Variants in LRRC70 observed in about 807,000 individuals in gnomAD.
The protein encoded by LRRC70 is leucine-rich repeat-containing protein 70.
In LRRC70, 31 loss-of-function variants were observed where a neutral mutation model predicts 42.4. The observed-to-expected ratio is 0.73, with a 90% CI of 0.55 to 0.99. LRRC70 has a LOEUF of 0.99. Among genes scored for constraint, LRRC70 ranks in the 50% least tolerant of loss-of-function variants. The pLI, the probability that LRRC70 is intolerant of heterozygous loss-of-function variation, is 0.00. For missense variants in LRRC70, 643 were observed against 707.5 expected, an observed-to-expected ratio of 0.91 and a Z score of 1.03; for synonymous variants, 270 against 262.9, an observed-to-expected ratio of 1.03 and a Z score of -0.26.
In LRRC70 at chr5:62,580,317, T is replaced by G. The variant is rs1744501940; in HGVS notation, c.879T>G (p.Ser293=). 2.6e-6 allele frequency: 4 copies of G among 1,538,470 alleles called. No homozygotes were observed. Among genetic ancestry groups the G allele is most frequent in the Non-Finnish European group, 2.6e-6 (3 of 1,135,140 alleles). ...ATAATGATTTAGAGAATTTAAATTCTGACACATTCAGTTTGTTAAAGAATT... is the reference window on the plus strand; with the variant it reads ...ATAATGATTTAGAGAATTTAAATTCGGACACATTCAGTTTGTTAAAGAATT... ...LSHNDLENLN[S]DTFSLLKNLI... Residue 293 remains serine, a synonymous_variant, in exon 2 of 2, where the codon TCT becomes TCG. Transcript: ENST00000334994.
chr5:62,579,846 T>TACA lies in LRRC70; in HGVS notation c.408_409insACA (p.Asn136_Leu137insThr). The stretch of plus-strand genomic sequence containing the variant: ...TTAAGGGACTTTTAAATCTTCGTAA[T>TACA]TTATATTTACAGTATAATCAGGTAT... On this transcript the variant is annotated inframe_insertion, in exon 2 of 2. Transcript: ENST00000334994. The TACA allele has an allele frequency of 6.5e-7, 1 of 1,548,398 alleles. No individual in the cohort carries two copies. The highest frequency in any genetic ancestry group is 1.2e-5 in the South Asian group (1 of 83,668).
At chr5:62,579,117 A>G (rs192396268) in intron 1 of LRRC70, among the ~76,000 whole-genome samples, 182 bp downstream of exon 1, 1 of 152,136 alleles carries the variant, frequency 6.6e-6, no homozygotes, top group African/African-American at 2.4e-5. Flanking sequence ...TCATTCCTAC[A>G]TCATTTGTCA....
In LRRC70 at chr5:62,579,385, CCT is replaced by C; in HGVS notation, c.-38-15_-38-14del. 6.7e-7 allele frequency: 1 copy of C among 1,498,862 alleles called. No individual in the cohort carries two copies. Among genetic ancestry groups the C allele is most frequent in the African/African-American group, 1.4e-5 (1 of 71,960 alleles). 92.8% of individuals were successfully genotyped at this position (1,498,862 alleles called of 1,614,324 possible). On this transcript the variant is annotated splice_polypyrimidine_tract_variant and intron_variant, in intron 1 of 1. Transcript: ENST00000334994. ...GAAGTTTTCGTGATTTAAAGCTTTA[CCT>C]TCTCTTTTTATAGCCAATTCTGATC...
chr5:62,579,804 CT>C lies in LRRC70; in HGVS notation c.368del (p.Leu123Ter), dbSNP rs1380985790. 1 of 1,545,040 alleles carries C rather than the reference CT, an allele frequency of 6.5e-7. No homozygotes were observed. Among genetic ancestry groups the C allele is most frequent in the African/African-American group, 1.4e-5 (1 of 72,706 alleles). On this transcript the variant is annotated frameshift_variant, in exon 2 of 2. Transcript: ENST00000334994. LOFTEE classifies it high-confidence loss of function. ...LFLNNNFIKR[L>X]DPGIFKGLLN... The stretch of plus-strand genomic sequence containing the variant: ...TTCTAAATAATAATTTCATCAAACG[CT>C]TAGATCCTGGAATATTTAAGGGACT...
rs1744459136 is a variant in LRRC70 at position 62,579,535 on chromosome 5, T to C, written c.97T>C (p.Ser33Pro). 1.3e-6 allele frequency: 2 copies of C among 1,551,056 alleles called. No individual in the cohort carries two copies. Among genetic ancestry groups the C allele is most frequent in the Admixed American group, 2.0e-5 (1 of 50,950 alleles). ...LLLHKEILGC[S>P]SVCQLCTGRQ... ...ACTCCACAAAGAAATACTTGGATGT[T>C]CGTCTGTTTGTCAGCTCTGCACTGG... Residue 33 changes from serine (S) to proline (P), a missense_variant, in exon 2 of 2, where the codon TCG becomes CCG. Coordinates refer to ENST00000334994, the MANE Select transcript of LRRC70 (RefSeq NM_181506.5).
At position 62,581,037 on chromosome 5, in the gene LRRC70, T is replaced by A. The variant is rs1744537754; in HGVS notation, c.1599T>A (p.Ala533=). 6.4e-7 allele frequency: 1 copy of A among 1,550,920 alleles called. No individual in the cohort carries two copies. The highest frequency in any genetic ancestry group is 1.4e-5 in the African/African-American group (1 of 73,008). Residue 533 remains alanine (A), a synonymous_variant, in exon 2 of 2, where the codon GCT becomes GCA. Transcript: ENST00000334994. The part of the protein sequence containing the change: ...KLNEAFDILL[A]FFILACVLII... ...ATGAGGCTTTTGACATTTTGCTAGCTTTTTTCATCTTAGCTTGTGTTTTAA... is the reference window on the plus strand; with the variant it reads ...ATGAGGCTTTTGACATTTTGCTAGCATTTTTCATCTTAGCTTGTGTTTTAA...
In LRRC70 at chr5:62,580,278, T is replaced by A; in HGVS notation, c.840T>A (p.His280Gln). 3 of 1,540,838 alleles carry A rather than the reference T, an allele frequency of 1.9e-6. No homozygotes were observed. Among genetic ancestry groups the A allele is most frequent in the Non-Finnish European group, 2.6e-6 (3 of 1,137,352 alleles). Residue 280 changes from histidine to glutamine, a missense_variant, in exon 2 of 2, where the codon CAT (histidine) becomes CAA (glutamine). Transcript: ENST00000334994. ...TTAGTGGAATTAATAATCTTAAACA[T>A]TTGATCTTAAGTCATAATGATTTAG... ...DGFSGINNLK[H>Q]LILSHNDLEN...
Position 62,579,394 on chromosome 5 carries a change from T to C in LRRC70, c.-38-7T>C. The C allele has an allele frequency of 6.5e-7, 1 of 1,534,132 alleles. No homozygotes were observed. Among genetic ancestry groups the C allele is most frequent in the South Asian group, 1.2e-5 (1 of 83,440 alleles). ...GTGATTTAAAGCTTTACCTTCTCTT[T>C]TTATAGCCAATTCTGATCTGAACAG... On this transcript the variant is annotated splice_region_variant and splice_polypyrimidine_tract_variant and intron_variant, in intron 1 of 1. Transcript: ENST00000334994.
rs1034063457 is a variant in LRRC70 at position 62,580,899 on chromosome 5, A to G, written c.1461A>G (p.Gln487=). The part of the protein sequence containing the change: ...ETTAVLPVQI[Q]LTTSVTLNLE... ...CAGCAGTGTTACCTGTGCAAATACA[A>G]CTTACTACTTCTGTTACCTTGAACT... is the stretch of plus-strand genomic sequence containing the variant. The change falls in exon 2 of 2, where the codon CAA becomes CAG. Residue 487 remains glutamine, a synonymous_variant. Coordinates refer to ENST00000334994, the MANE Select transcript of LRRC70 (RefSeq NM_181506.5). The G allele has an allele frequency of 1.3e-6, 2 of 1,551,246 alleles. No homozygotes were observed. Among genetic ancestry groups the G allele is most frequent in the African/African-American group, 2.7e-5 (2 of 73,008 alleles).
In LRRC70 at chr5:62,580,925, T is replaced by C; in HGVS notation, c.1487T>C (p.Leu496Ser). 1 of 1,551,258 alleles carries C rather than the reference T, an allele frequency of 6.4e-7. No individual in the cohort carries two copies. Among genetic ancestry groups the C allele is most frequent in the Non-Finnish European group, 8.7e-7 (1 of 1,146,798 alleles). ...IQLTTSVTLN[L>S]EKNSALPNDA... is the part of the protein sequence containing the mutation. ...CTTACTACTTCTGTTACCTTGAACT[T>C]GGAAAAAAACAGTGCTCTACCGAAT... Residue 496 changes from leucine (L) to serine (S), a missense_variant, in exon 2 of 2, where the codon TTG becomes TCG. Coordinates refer to ENST00000334994, the MANE Select transcript of LRRC70 (RefSeq NM_181506.5).
rs947505447 is a variant in LRRC70, at chr5:62,580,618, A to G, written c.1180A>G (p.Arg394Gly). Reference protein sequence around the residue: ...YCQNPPSMRGRALRYINITNC... With the variant: ...YCQNPPSMRGGALRYINITNC... ...TCAGAATCCCCCATCCATGCGTGGC[A>G]GAGCATTACGTTATATTAACATTAC... Residue 394 changes from arginine (R) to glycine (G), a missense_variant, in exon 2 of 2, where the codon AGA becomes GGA. Transcript: ENST00000334994. The G allele has an allele frequency of 2.6e-6, 4 of 1,551,508 alleles. No homozygotes were observed. Among genetic ancestry groups the G allele is most frequent in the Non-Finnish European group, 3.5e-6 (4 of 1,146,832 alleles).
Position 62,579,699 on chromosome 5 carries a change from A to G in LRRC70, c.261A>G (p.Val87=). The G allele has an allele frequency of 1.3e-6, 2 of 1,548,584 alleles. No homozygotes were observed. The highest frequency in any genetic ancestry group is 8.7e-7 in the Non-Finnish European group (1 of 1,145,464). Residue 87 remains valine (V), a synonymous_variant, in exon 2 of 2, where the codon GTA becomes GTG. Transcript: ENST00000334994. ...AATTAACAGGACTTCATTCTCTTGT[A>G]GCATTGTATTTGGATAATTCTAACA... ...ESELTGLHSL[V]ALYLDNSNIL...
At position 62,579,877 on chromosome 5, in the gene LRRC70, G is replaced by T. The variant is rs1324019597; in HGVS notation, c.439G>T (p.Val147Phe). ...LYLQYNQVSF[V>F]PRGVFNDLVS... ...TTTACAGTATAATCAGGTATCTTTTGTTCCGAGAGGAGTATTTAATGATCT... is the reference window on the plus strand; with the variant it reads ...TTTACAGTATAATCAGGTATCTTTTTTTCCGAGAGGAGTATTTAATGATCT... The change falls in exon 2 of 2, where the codon GTT (valine) becomes TTT (phenylalanine). Residue 147 changes from valine (V) to phenylalanine (F), a missense_variant. Val to Phe is a conservative substitution (Grantham distance 50, BLOSUM62 -1). Coordinates refer to ENST00000334994, the MANE Select transcript of LRRC70 (RefSeq NM_181506.5). 5.8e-6 allele frequency: 9 copies of T among 1,550,200 alleles called. No individual in the cohort carries two copies. Among genetic ancestry groups the T allele is most frequent in the Non-Finnish European group, 1.7e-6 (2 of 1,145,994 alleles).
At chr5:62,579,340 A>T in intron 1 of LRRC70, 61 bp from the exon 2 acceptor site, 1 of 1,050,310 alleles carries the variant, frequency 9.5e-7, no homozygotes, top group Non-Finnish European at 1.4e-6. Flanking sequence ...TTATAGTATT[A>T]TAAAAAAAAT....
rs368899335 is a variant in LRRC70, at chr5:62,580,847, A to G, written c.1409A>G (p.Asn470Ser). The G allele has an allele frequency of 2.0e-4, 303 of 1,551,326 alleles. No homozygotes were observed. The highest frequency in any genetic ancestry group is 2.6e-4 in the Non-Finnish European group (294 of 1,146,866). The change falls in exon 2 of 2, where the codon AAT (asparagine) becomes AGT (serine). Residue 470 changes from asparagine to serine, a missense_variant. Asn to Ser is a conservative substitution (Grantham distance 46, BLOSUM62 1). Coordinates refer to ENST00000334994, the MANE Select transcript of LRRC70 (RefSeq NM_181506.5). ...CCTGCTGGTAGATTTTTTCAAGAGA[A>G]TGCCTTTGGTAATCCATTAGAGACT... is the stretch of plus-strand genomic sequence containing the variant. ...TSPAGRFFQE[N>S]AFGNPLETTA...
chr5:62,581,356 T>G lies in LRRC70; in HGVS notation c.*49T>G. On this transcript the variant is annotated 3_prime_UTR_variant, in exon 2 of 2. Coordinates refer to ENST00000334994, the MANE Select transcript of LRRC70 (RefSeq NM_181506.5). ...AAACTTCAGTGCCATGGACATGATT[T>G]AAACTGAAACCTCCTTATATAATTA... The G allele has an allele frequency of 7.4e-7, 1 of 1,350,626 alleles. No individual in the cohort carries two copies. The highest frequency in any genetic ancestry group is 9.8e-7 in the Non-Finnish European group (1 of 1,016,470). The allele number at this position is 1,350,626 out of a possible 1,614,324, so 83.7% of individuals were successfully genotyped here.
chr5:62,580,993 C>A lies in LRRC70; in HGVS notation c.1555C>A (p.Gln519Lys). ...AGGGAAAACATCTCTAATTTGTACA[C>A]AAGAAGTTGAGAAGTTGAATGAGGC... ...MSGKTSLICT[Q>K]EVEKLNEAFD... The change falls in exon 2 of 2, where the codon CAA becomes AAA. Residue 519 changes from glutamine to lysine, a missense_variant. Coordinates refer to ENST00000334994, the MANE Select transcript of LRRC70 (RefSeq NM_181506.5). The A allele has an allele frequency of 6.4e-7, 1 of 1,551,208 alleles. No individual in the cohort carries two copies.
rs779776705 is a variant in LRRC70 at position 62,580,643 on chromosome 5, CA to C, written c.1208del (p.Asn403IlefsTer7). On this transcript the variant is annotated frameshift_variant, in exon 2 of 2. Coordinates refer to ENST00000334994, the MANE Select transcript of LRRC70 (RefSeq NM_181506.5). LOFTEE classifies it high-confidence loss of function. ...AGAGCATTACGTTATATTAACATTA[CA>C]AATTGTGTTACATCTTCAATAAATG... ...RGRALRYINI[T>X]NCVTSSINVS... is the part of the protein sequence containing the mutation. 51 of 1,551,342 alleles carry C rather than the reference CA, an allele frequency of 3.3e-5. No individual in the cohort carries two copies. Among genetic ancestry groups the C allele is most frequent in the Non-Finnish European group, 4.0e-5 (46 of 1,146,822 alleles).
chr5:62,581,333 A>G lies in LRRC70; in HGVS notation c.*26A>G. On this transcript the variant is annotated 3_prime_UTR_variant, in exon 2 of 2. Transcript: ENST00000334994. Reference sequence around the variant, plus strand: ...CTCAACTAAATATTGTCTATAAGAAACTTCAGTGCCATGGACATGATTTAA... The same window carrying G: ...CTCAACTAAATATTGTCTATAAGAAGCTTCAGTGCCATGGACATGATTTAA... 1 of 1,456,794 alleles carries G rather than the reference A, an allele frequency of 6.9e-7. No homozygotes were observed. Among genetic ancestry groups the G allele is most frequent in the Non-Finnish European group, 9.0e-7 (1 of 1,106,314 alleles). 90.2% of individuals were successfully genotyped at this position (1,456,794 alleles called of 1,614,324 possible). A position where few individuals can be genotyped will look rare whatever the true frequency, so the allele number is the denominator to read the frequency against.
Sources: gnomAD v4.1 joint callset for allele counts (sites outside exome capture counted in the v4.1 genomes callset) on GRCh38, gnomAD v4.1.1 for gene constraint, MANE v1.5 for transcripts, NCBI Gene and HGNC (gene_info 2026-07-23, HGNC 2026-07-21) for gene names.